The following FRMD5 variants were observed in gnomAD, a reference collection of about 807,000 sequenced individuals.
FRMD5 encodes the protein FERM domain containing 5, also known as FERM domain-containing protein 5.
FRMD5 carries 20 observed loss-of-function variants against 69.0 expected under a neutral mutation model. The ratio of observed to expected loss-of-function variants is 0.29; its 90% confidence interval spans 0.20 to 0.42. The LOEUF (loss-of-function observed/expected upper bound fraction) is 0.42. Among genes scored for constraint, FRMD5 ranks in the 10% least tolerant of loss-of-function variants. FRMD5 has a pLI of 1.00. For synonymous variants in FRMD5, 271 were observed against 260.1 expected (o/e 1.04, Z -0.40); for missense variants, 595 against 708.6 (o/e 0.84, Z 1.82).
chr15:44,185,666 G>A (rs1313446328), intron 1 of FRMD5, among the ~76,000 whole-genome samples: 2 of 152,014 alleles, frequency 1.3e-5, no homozygotes, highest in Non-Finnish European at 1.5e-5. Flanking sequence ...GGTGGTGCAT[G>A]CCTGTAATCC....
At chr15:43,911,885 G>A (rs1211483589) in intron 4 of FRMD5, among the ~76,000 whole-genome samples, 1 of 152,078 alleles carries the variant, frequency 6.6e-6, no homozygotes, top group Non-Finnish European at 1.5e-5. Context: ...CTTCTAGGAG[G>A]TGGTAGGAAG....
chr15:44,173,070 C>A (rs991136093), intron 1 of FRMD5, among the ~76,000 whole-genome samples: 1 of 152,104 alleles, frequency 6.6e-6, no homozygotes, highest in African/African-American at 2.4e-5. Flanking sequence ...TTCATGTCTA[C>A]AAAATATATC....
intron 5 of FRMD5, among the ~76,000 whole-genome samples, chr15:43,907,366 G>A (rs2089198166): frequency 6.6e-6 from 1 of 152,172 alleles, no homozygotes; most frequent in Non-Finnish European, 1.5e-5. Context: ...GGGTGACCTT[G>A]AGCCTTGCAG....
chr15:43,884,452 C>T (rs2088613083), intron 12 of FRMD5, among the ~76,000 whole-genome samples: 1 of 152,170 alleles, frequency 6.6e-6, no homozygotes, highest in Non-Finnish European at 1.5e-5. Flanking sequence ...CATCTATGAT[C>T]AGTGTCAAGA....
intron 1 of FRMD5, among the ~76,000 whole-genome samples, chr15:44,161,457 G>A (rs1203405212): frequency 6.6e-6 from 1 of 152,170 alleles, no homozygotes; most frequent in Non-Finnish European, 1.5e-5. Context: ...TTCAAAGAGT[G>A]CCACAAAGTT....
intron 1 of FRMD5, among the ~76,000 whole-genome samples, chr15:44,182,850 C>T (rs1442213723): frequency 6.6e-6 from 1 of 152,144 alleles, no homozygotes; most frequent in African/African-American, 2.4e-5. Context: ...GGCTAGAGTG[C>T]AGTGGCATGA....
chr15:43,972,849 C>T (rs189181054), intron 1 of FRMD5, among the ~76,000 whole-genome samples: 8 of 152,240 alleles, frequency 5.3e-5, no homozygotes, highest in Admixed American at 3.9e-4. Context: ...CTCTGCTTTC[C>T]GAAGGATAAG....
intron 1 of FRMD5, among the ~76,000 whole-genome samples, chr15:44,088,150 A>G (rs1333229357): frequency 2.0e-5 from 3 of 152,188 alleles, no homozygotes; most frequent in Non-Finnish European, 2.9e-5. Flanking sequence ...AAACATTTTT[A>G]TTGAGATATA....
chr15:43,891,876 G>C, intron 8 of FRMD5, 105 bp downstream of exon 8: 1 of 868,864 alleles, frequency 1.2e-6, no homozygotes, highest in East Asian at 2.6e-5. Flanking sequence ...TTTGGAGAGG[G>C]CTCTGAACCA....
intron 1 of FRMD5, among the ~76,000 whole-genome samples, chr15:44,061,512 A>G (rs945014559): frequency 6.6e-6 from 1 of 152,202 alleles, no homozygotes; most frequent in Non-Finnish European, 1.5e-5. Context: ...CTGGACTATT[A>G]TCATTACCCT....
At chr15:43,945,676 T>C (rs140938042) in intron 1 of FRMD5, among the ~76,000 whole-genome samples, 13 of 152,290 alleles carry the variant, frequency 8.5e-5, no homozygotes, top group Non-Finnish European at 1.8e-4. Flanking sequence ...TGAAGTGTAA[T>C]ATAACCTTTG....
intron 7 of FRMD5, among the ~76,000 whole-genome samples, chr15:43,893,680 G>A (rs1211239067): frequency 5.3e-5 from 8 of 152,206 alleles, no homozygotes; most frequent in Non-Finnish European, 8.8e-5. Context: ...GCCAGACACC[G>A]GGCGTGAGGC....
chr15:44,042,574 T>C (rs1471750246), intron 1 of FRMD5, among the ~76,000 whole-genome samples: 2 of 152,180 alleles, frequency 1.3e-5, no homozygotes, highest in Non-Finnish European at 2.9e-5. Context: ...AAAAAGCTTA[T>C]CCACCACGAT....
At chr15:43,881,348 AGAGAGCCAAGGGACAGT>A (rs1459419533) in intron 13 of FRMD5, among the ~76,000 whole-genome samples, 1 of 152,230 alleles carries the variant, frequency 6.6e-6, no homozygotes, top group Non-Finnish European at 1.5e-5. Context: ...AGAGGGACGG[AGAGAGCCAAGGGACAGT>A]GAGAGCCAAG....
Position 43,874,261 on chromosome 15 carries a change from G to C in FRMD5, c.1337C>G (p.Ser446Cys), listed in dbSNP as rs757482386. The change falls in exon 14 of 14, where the codon TCC (serine) becomes TGC (cysteine). Residue 446 changes from serine to cysteine, a missense_variant. By Grantham distance (112) the Ser-to-Cys change is moderately radical. Coordinates refer to ENST00000417257, the MANE Select transcript of FRMD5 (RefSeq NM_032892.5). Reference sequence around the variant, plus strand: ...GCAGGTGGCTCCATTGATCTGCCGGGAAAGCAACATCAGCTCCAGGCTGTG... The same window carrying C: ...GCAGGTGGCTCCATTGATCTGCCGGCAAAGCAACATCAGCTCCAGGCTGTG... ...AEHSLELMLL[S>C]RQINGATCSI... 1.2e-6 allele frequency: 2 copies of C among 1,614,202 alleles called. No homozygotes were observed. The highest frequency in any genetic ancestry group is 2.2e-5 in the South Asian group (2 of 91,082).
At chr15:44,047,082 G>A (rs1038528975) in intron 1 of FRMD5, among the ~76,000 whole-genome samples, 33 of 152,108 alleles carry the variant, frequency 2.2e-4, no homozygotes, top group African/African-American at 7.2e-4. Context: ...TGAGGCGGGC[G>A]GATCACTTGA....
chr15:43,902,821 C>T (rs1378178959), intron 6 of FRMD5, among the ~76,000 whole-genome samples: 1 of 152,114 alleles, frequency 6.6e-6, no homozygotes, highest in Non-Finnish European at 1.5e-5. Flanking sequence ...CATCTGTAGG[C>T]TGGAAGCAGG....
chr15:44,192,275 C>T (rs2078209883), intron 1 of FRMD5, among the ~76,000 whole-genome samples: 1 of 152,056 alleles, frequency 6.6e-6, no homozygotes, highest in Non-Finnish European at 1.5e-5. Flanking sequence ...GACAGAATTT[C>T]TTATAACTGA....
rs138948450 is a variant in FRMD5, at chr15:43,903,763, C to T, written c.552-1501G>A. Among the ~76,000 whole-genome samples the T allele has an allele frequency of 1.1e-4, 16 of 152,292 alleles. 1 individual carries two copies. The East Asian group carries it at 2.9e-3, about 28-fold the overall frequency. On this transcript the variant is annotated intron_variant, in intron 6 of 13. Transcript: ENST00000417257. ...CATTTACCCTTGGAGTTGGCCCAAA[C>T]CTCCAGGGTCCTCAAAGCGGGCATC...
Sources: allele counts gnomAD v4.1 joint callset (sites outside exome capture counted in the v4.1 genomes callset), GRCh38; gene constraint gnomAD v4.1.1; transcripts MANE v1.5; gene names NCBI Gene and HGNC (gene_info 2026-07-23, HGNC 2026-07-21).